The following GRID2 variants were observed in gnomAD, a reference collection of about 807,000 sequenced individuals.
The protein encoded by GRID2 is glutamate ionotropic receptor delta type subunit 2.
In GRID2, 33 loss-of-function variants were observed where a neutral mutation model predicts 114.8. The observed-to-expected ratio is 0.29, with a 90% CI of 0.22 to 0.38. GRID2 has a LOEUF of 0.38. Ranked by LOEUF, GRID2 falls within the 10% of genes least tolerant of loss-of-function variation. The pLI, the probability that GRID2 is intolerant of heterozygous loss-of-function variation, is 1.00. For synonymous variants in GRID2, 505 were observed against 449.9 expected, an observed-to-expected ratio of 1.12 and a Z score of -1.55; for missense variants, 1,184 against 1,257.7, an observed-to-expected ratio of 0.94 and a Z score of 0.89.
chr4:92,516,820 A>G (rs1724524325), intron 1 of GRID2, among the ~76,000 whole-genome samples: 1 of 151,600 alleles, frequency 6.6e-6, no homozygotes. Context: ...TCTTCTTTAT[A>G]CCCTTTCCAG....
intron 8 of GRID2, among the ~76,000 whole-genome samples, chr4:93,316,341 AAGG>A (rs1165101769): frequency 2.8e-5 from 4 of 140,380 alleles, no homozygotes; most frequent in Admixed American, 1.4e-4. Context: ...AGAAAGAAAG[AAGG>A]AAGGAAGGAA....
intron 1 of GRID2, among the ~76,000 whole-genome samples, chr4:92,509,677 G>T (rs1481705561): frequency 6.6e-6 from 1 of 151,882 alleles, no homozygotes; most frequent in East Asian, 1.9e-4. Context: ...TAATAGAGTG[G>T]TTGAAAAGGG....
intron 8 of GRID2, among the ~76,000 whole-genome samples, chr4:93,285,841 T>C (rs1267115929): frequency 6.6e-6 from 1 of 152,060 alleles, no homozygotes; most frequent in Non-Finnish European, 1.5e-5. Context: ...GCATAATTTG[T>C]AATCATACAA....
chr4:93,335,104 T>C (rs1414067972), intron 8 of GRID2, among the ~76,000 whole-genome samples: 2 of 134,828 alleles, frequency 1.5e-5, no homozygotes, highest in Non-Finnish European at 3.0e-5. Flanking sequence ...ACAATATGTA[T>C]ATAGTTGATG....
At chr4:92,449,711 A>ATATATG (rs1466326075) in intron 1 of GRID2, among the ~76,000 whole-genome samples, 79 of 130,138 alleles carry the variant, frequency 6.1e-4, no homozygotes, top group African/African-American at 2.3e-3. Flanking sequence ...ATATATATAT[A>ATATATG]ACACTTAAGC....
intron 14 of GRID2, among the ~76,000 whole-genome samples, chr4:93,652,173 T>C (rs191402789): frequency 6.6e-6 from 1 of 152,248 alleles, no homozygotes; most frequent in African/African-American, 2.4e-5. Flanking sequence ...CCCTATCTAA[T>C]ATGACTTGTG....
intron 2 of GRID2, among the ~76,000 whole-genome samples, chr4:92,944,747 C>T (rs547371193): frequency 3.3e-5 from 5 of 152,256 alleles, no homozygotes; most frequent in East Asian, 1.9e-4. Context: ...TACATAAACT[C>T]GTGTACTAAC....
At chr4:92,552,668 A>G (rs2149174207) in intron 1 of GRID2, among the ~76,000 whole-genome samples, 1 of 152,296 alleles carries the variant, frequency 6.6e-6, no homozygotes, top group East Asian at 1.9e-4. Flanking sequence ...TAAGAATCTA[A>G]AGGAAAAGAT....
Position 92,644,699 on chromosome 4 carries a change from C to T in GRID2, c.244+54413C>T, listed in dbSNP as rs1731523965. Among the ~76,000 whole-genome samples the T allele has an allele frequency of 3.3e-5, 5 of 151,654 alleles. No homozygotes were observed. The South Asian group carries it at 1.0e-3, about 32-fold the overall frequency. On this transcript the variant is annotated intron_variant, in intron 2 of 15. Coordinates refer to ENST00000282020, the MANE Select transcript of GRID2 (RefSeq NM_001510.4). ...TTTAAAATTAAGAATATTTCAAATA[C>T]TTATTGATAATGGACAAAATATGTT...
At chr4:93,506,419 A>G (rs955638539) in intron 12 of GRID2, among the ~76,000 whole-genome samples, 1 of 152,096 alleles carries the variant, frequency 6.6e-6, no homozygotes, top group Non-Finnish European at 1.5e-5. Context: ...TCTAGACCAA[A>G]CGCATCTTAT....
chr4:93,442,209 T>C (rs922773515), intron 10 of GRID2, among the ~76,000 whole-genome samples: 2 of 152,220 alleles, frequency 1.3e-5, no homozygotes, highest in South Asian at 2.1e-4. Flanking sequence ...CACTCAATTC[T>C]AGTTCTTTTA....
intron 11 of GRID2, among the ~76,000 whole-genome samples, chr4:93,473,283 T>G (rs1725019086): frequency 6.6e-6 from 1 of 152,172 alleles, no homozygotes; most frequent in African/African-American, 2.4e-5. Context: ...ATCCTAGATA[T>G]GCAGCTTCTG....
In GRID2 at chr4:93,048,311, A is replaced by G. The variant is rs187609034; in HGVS notation, c.245-36684A>G. Among the ~76,000 whole-genome samples, 14 of 152,118 alleles carry G rather than the reference A, an allele frequency of 9.2e-5. No individual in the cohort carries two copies. In the East Asian group the frequency reaches 2.5e-3, roughly 27 times the overall value. ...AGTTTTTATCCTTTCTCTGGTTTTC[A>G]GCTCTTTTCTGCTTTATAGCATACC... On this transcript the variant is annotated intron_variant, in intron 2 of 15. Transcript: ENST00000282020.
chr4:93,770,633 A>C (rs2110337652), intron 15 of GRID2, among the ~76,000 whole-genome samples: 1 of 152,306 alleles, frequency 6.6e-6, no homozygotes, highest in Admixed American at 6.5e-5. Flanking sequence ...TAAATTAATC[A>C]AGTCACATTG....
intron 2 of GRID2, among the ~76,000 whole-genome samples, chr4:92,911,477 A>AC (rs1388172889): frequency 1.3e-5 from 2 of 152,110 alleles, no homozygotes; most frequent in East Asian, 3.9e-4. Flanking sequence ...AGTTAGGTAT[A>AC]ACAGTTGCTG....
intron 14 of GRID2, among the ~76,000 whole-genome samples, chr4:93,765,324 C>T (rs1733556226): frequency 6.6e-6 from 1 of 152,060 alleles, no homozygotes; most frequent in Non-Finnish European, 1.5e-5. Context: ...AATCTGTTGT[C>T]AGGGGTGACT....
At chr4:92,542,254 A>C (rs1224539798) in intron 1 of GRID2, among the ~76,000 whole-genome samples, 1 of 152,058 alleles carries the variant, frequency 6.6e-6, no homozygotes, top group African/African-American at 2.4e-5. Flanking sequence ...TAGAGGCTGG[A>C]GTGAGCCTTG....
At chr4:92,556,516 C>G (rs1031915921) in intron 1 of GRID2, among the ~76,000 whole-genome samples, 1 of 151,556 alleles carries the variant, frequency 6.6e-6, no homozygotes, top group Non-Finnish European at 1.5e-5. Context: ...AACAAATTAC[C>G]CCAAAACTTA....
chr4:93,271,217 T>A (rs1469131382), intron 8 of GRID2, among the ~76,000 whole-genome samples: 1 of 152,152 alleles, frequency 6.6e-6, no homozygotes, highest in East Asian at 1.9e-4. Context: ...AAGGTCCTGA[T>A]AGAATGCCAG....
Sources: gnomAD v4.1 joint callset for allele counts (sites outside exome capture counted in the v4.1 genomes callset) on GRCh38, gnomAD v4.1.1 for gene constraint, MANE v1.5 for transcripts, NCBI Gene and HGNC (gene_info 2026-07-23, HGNC 2026-07-21) for gene names.